Variants in AKAP8 observed in about 807,000 individuals in gnomAD.
AKAP8 encodes the protein A-kinase anchoring protein 8, also known as A-kinase anchor protein 8.
AKAP8 carries 24 observed loss-of-function variants against 67.5 expected under a neutral mutation model. That is an observed-to-expected ratio of 0.36 (90% CI 0.26 to 0.50). The LOEUF (loss-of-function observed/expected upper bound fraction) is 0.50, where lower values mean the gene tolerates loss of function less well. Ranked by LOEUF, AKAP8 falls within the 20% of genes least tolerant of loss-of-function variation. AKAP8 has a pLI of 0.97. For synonymous variants in AKAP8, 400 were observed against 371.1 expected (o/e 1.08, Z -0.90); for missense variants, 971 against 955.9 (o/e 1.02, Z -0.21).
At chr19:15,362,735 T>G (rs1966991295) in intron 9 of AKAP8, among the ~76,000 whole-genome samples, 1 of 152,022 alleles carries the variant, frequency 6.6e-6, no homozygotes, top group South Asian at 2.1e-4. Context: ...CCGCCTGCCT[T>G]GGCCTCCCAA....
chr19:15,372,711 C>T (rs1967180512), intron 5 of AKAP8, 140 bp downstream of exon 5: 1 of 1,244,366 alleles, frequency 8.0e-7, no homozygotes, highest in Non-Finnish European at 1.1e-6. Context: ...GGGATGGTTG[C>T]ACAATCCTGT....
intron 2 of AKAP8, 94 bp downstream of exon 2, chr19:15,376,882 T>C: frequency 6.9e-7 from 1 of 1,456,596 alleles, no homozygotes; most frequent in African/African-American, 1.4e-5. Context: ...ACCCCTGGGC[T>C]ACTACTCTCC....
At chr19:15,374,359 A>G (rs1298338189) in intron 3 of AKAP8, among the ~76,000 whole-genome samples, 3 of 152,168 alleles carry the variant, frequency 2.0e-5, no homozygotes, top group African/African-American at 4.8e-5. Context: ...GGCTGCTGAC[A>G]GGCCCCACAA....
intron 12 of AKAP8, among the ~76,000 whole-genome samples, chr19:15,359,989 G>C (rs1050755923): frequency 1.3e-5 from 2 of 152,086 alleles, no homozygotes; most frequent in Non-Finnish European, 1.5e-5. Context: ...CAAAAAATTA[G>C]CCGGGCATTG....
At position 15,355,133 on chromosome 19, in the gene AKAP8, C is replaced by A; in HGVS notation, c.1861G>T (p.Ala621Ser). 1 of 1,613,588 alleles carries A rather than the reference C, an allele frequency of 6.2e-7. No homozygotes were observed. The highest frequency in any genetic ancestry group is 8.5e-7 in the Non-Finnish European group (1 of 1,180,040). Residue 621 changes from alanine to serine, a missense_variant, in exon 14 of 14, where the codon GCC becomes TCC. This residue lies in a region of AKAP8 where 204 missense variants were observed against 193.0 expected (regional missense o/e 1.06). Transcript: ENST00000269701. ...DTAEAGSDPQAEQLLEEQVPC... is the reference protein window; with the variant it reads ...DTAEAGSDPQSEQLLEEQVPC... The stretch of plus-strand genomic sequence containing the variant: ...ACCTGCTCTTCCAGCAGCTGTTCGG[C>A]TTGAGGATCACTACCGGCCTCCGCT...
chr19:15,375,314 C>A (rs1451597739), intron 2 of AKAP8, among the ~76,000 whole-genome samples: 1 of 152,216 alleles, frequency 6.6e-6, no homozygotes, highest in African/African-American at 2.4e-5. Flanking sequence ...TCCAGCCACA[C>A]CCAGCCCACT....
intron 2 of AKAP8, 31 bp from the exon 3 acceptor site, chr19:15,374,666 T>C: frequency 6.2e-7 from 1 of 1,610,606 alleles, no homozygotes; most frequent in Non-Finnish European, 8.5e-7. Context: ...ACAAGAGCCC[T>C]GTTTGCAGAA....
At chr19:15,364,647 C>G (rs1181137379) in intron 9 of AKAP8, among the ~76,000 whole-genome samples, 1 of 151,574 alleles carries the variant, frequency 6.6e-6, no homozygotes, top group African/African-American at 2.4e-5. Flanking sequence ...CCGCGCCCAG[C>G]CTATTTTTTT....
intron 7 of AKAP8, among the ~76,000 whole-genome samples, chr19:15,371,182 C>G (rs368846738): frequency 4.6e-5 from 7 of 152,192 alleles, no homozygotes; most frequent in African/African-American, 1.7e-4. Context: ...CCTTCCCACT[C>G]TGGACCTCCA....
chr19:15,368,175 G>A (rs1910905630), intron 9 of AKAP8, 60 bp downstream of exon 9: 56 of 1,596,888 alleles, frequency 3.5e-5, no homozygotes, highest in Middle Eastern at 1.7e-4. Context: ...AGGTGAGCTC[G>A]GCAGCGCCTC....
chr19:15,374,146 C>T (rs1967211636), intron 3 of AKAP8, 81 bp from the exon 4 acceptor site: 5 of 1,469,216 alleles, frequency 3.4e-6, no homozygotes, highest in Non-Finnish European at 4.5e-6. Context: ...GAGGGGCACC[C>T]GCTGCCACGG....
In AKAP8 at chr19:15,369,318, G is replaced by T; in HGVS notation, c.1072+828C>A. On this transcript the variant is annotated intron_variant, in intron 8 of 13. Transcript: ENST00000269701. This position sits in a 1 kb window ranked among gnomAD's most constrained non-coding sequence, Gnocchi z 4.6. Reference sequence around the variant, plus strand: ...ATGGACAGGACTGCTGCGGGTCGCGGGGGGGAGGACCGCAGAGGGCTGGCA... The same window carrying T: ...ATGGACAGGACTGCTGCGGGTCGCGTGGGGGAGGACCGCAGAGGGCTGGCA... 3.1e-6 allele frequency: 3 copies of T among 962,738 alleles called. No homozygotes were observed. Among genetic ancestry groups the T allele is most frequent in the Non-Finnish European group, 3.7e-6 (3 of 809,206 alleles). 59.6% of individuals were successfully genotyped at this position (962,738 alleles called of 1,614,324 possible).
chr19:15,359,105 T>C, intron 12 of AKAP8, 43 bp from the exon 13 acceptor site: 1 of 1,572,542 alleles, frequency 6.4e-7, no homozygotes, highest in Non-Finnish European at 8.8e-7. Flanking sequence ...ATGGCAAAGA[T>C]TAAGGAAGAG....
intron 7 of AKAP8, among the ~76,000 whole-genome samples, 157 bp from the exon 8 acceptor site, chr19:15,370,336 C>T (rs1386264496): frequency 1.3e-5 from 2 of 152,130 alleles, no homozygotes; most frequent in African/African-American, 4.8e-5. Context: ...GACCAGCCTC[C>T]GGGGCTCAGG....
At chr19:15,373,696 A>G (rs1967202270) in intron 4 of AKAP8, 90 bp downstream of exon 4, 3 of 1,421,990 alleles carry the variant, frequency 2.1e-6, no homozygotes, top group South Asian at 1.4e-5. Flanking sequence ...AGGCGGGGAC[A>G]GGCCCTCCCT....
At chr19:15,362,523 G>A (rs1489917094) in intron 9 of AKAP8, among the ~76,000 whole-genome samples, 76 of 152,174 alleles carry the variant, frequency 5.0e-4, no homozygotes, top group African/African-American at 1.6e-3. Context: ...ACGCCTGACT[G>A]GTTTTCGTAT....
chr19:15,356,038 C>CA lies in AKAP8; in HGVS notation c.1624-669dup, dbSNP rs201710676. 7.4e-4 allele frequency among the ~76,000 whole-genome samples: 113 copies of CA among 151,988 alleles called. 1 individual carries two copies. The East Asian group carries it at 0.019, about 26-fold the overall frequency. On this transcript the variant is annotated intron_variant, in intron 13 of 13. Transcript: ENST00000269701. Reference sequence around the variant, plus strand: ...GGCACGAGCCACCGTGCCTGGCCTGCAATTTTTAATCAAGCATGTACCAGC... The same window carrying CA: ...GGCACGAGCCACCGTGCCTGGCCTGCAAATTTTTAATCAAGCATGTACCAGC...
rs773038027 is a variant in AKAP8 at position 15,373,811 on chromosome 19, C to A, written c.346G>T (p.Gly116Trp). The change falls in exon 4 of 14, where the codon GGG becomes TGG. Residue 116 changes from glycine to tryptophan, a missense_variant. By Grantham distance (184) the Gly-to-Trp change is radical. Coordinates refer to ENST00000269701, the MANE Select transcript of AKAP8 (RefSeq NM_005858.4). ...CTCTCCCGGTCCTGTATGCCCTCCCCACCGCCGCCGCTCCCGCCCCTGCCT... is the reference window on the plus strand; with the variant it reads ...CTCTCCCGGTCCTGTATGCCCTCCCAACCGCCGCCGCTCCCGCCCCTGCCT... ...EGGRGGSGGG[G>W]EGIQDRESSF... 2 of 1,610,720 alleles carry A rather than the reference C, an allele frequency of 1.2e-6. No homozygotes were observed. The highest frequency in any genetic ancestry group is 1.7e-6 in the Non-Finnish European group (2 of 1,179,762).
At chr19:15,368,122 G>C (rs1774570197) in intron 9 of AKAP8, 113 bp downstream of exon 9, 4 of 1,416,406 alleles carry the variant, frequency 2.8e-6, no homozygotes, top group Admixed American at 1.9e-5. Context: ...GGTTTGGCCA[G>C]AGGAGTCAGG....
Sources: gnomAD v4.1 joint callset for allele counts (sites outside exome capture counted in the v4.1 genomes callset) on GRCh38, gnomAD v4.1.1 for gene constraint, gnomAD v4.1.1 regional missense constraint, Gnocchi (gnomAD v3.1) non-coding constraint, MANE v1.5 for transcripts, NCBI Gene and HGNC (gene_info 2026-07-23, HGNC 2026-07-21) for gene names.